The following RNF182 variants were observed in gnomAD, a reference collection of about 807,000 sequenced individuals.
The protein encoded by RNF182 is E3 ubiquitin-protein ligase RNF182.
RNF182 carries 15 observed loss-of-function variants against 14.4 expected under a neutral mutation model. That is an observed-to-expected ratio of 1.04 (90% CI 0.70 to 1.60). The LOEUF (loss-of-function observed/expected upper bound fraction) is 1.60. Ranked by LOEUF, RNF182 falls within the 40% of genes most tolerant of loss-of-function variation. The probability of loss-of-function intolerance (pLI) is 0.00; values close to 1 mark genes in which losing one functional copy is unlikely to be tolerated. For synonymous variants in RNF182, 128 were observed against 122.9 expected (o/e 1.04, Z -0.27); for missense variants, 268 against 294.8 (o/e 0.91, Z 0.67).
At position 13,959,362 on chromosome 6, in the gene RNF182, G is replaced by A. The variant is rs950832339; in HGVS notation, c.-366-14848G>A. Among the ~76,000 whole-genome samples, 3 of 152,218 alleles carry A rather than the reference G, an allele frequency of 2.0e-5. No individual in the cohort carries two copies. The South Asian group carries it at 6.2e-4, about 31-fold the overall frequency. On this transcript the variant is annotated intron_variant, in intron 1 of 2. Coordinates refer to ENST00000488300, the MANE Select transcript of RNF182 (RefSeq NM_152737.4). ...GGGAAGGCAGAGGCCAGATTATACG[G>A]TACCTTGCTGTGTAGAGTTTGGATT...
chr6:13,959,174 A>T (rs920959559), intron 1 of RNF182, among the ~76,000 whole-genome samples: 2 of 152,224 alleles, frequency 1.3e-5, no homozygotes, highest in African/African-American at 4.8e-5. Context: ...ATTCCTTTAT[A>T]GCAACACAAA....
At chr6:13,935,720 A>C (rs925166116) in intron 1 of RNF182, among the ~76,000 whole-genome samples, 2 of 152,232 alleles carry the variant, frequency 1.3e-5, no homozygotes, top group African/African-American at 4.8e-5. Flanking sequence ...GTTACTCAGC[A>C]ATGTATCTTA....
intron 1 of RNF182, chr6:13,925,246 G>T (rs913952937): frequency 1.3e-5 from 2 of 152,002 alleles, no homozygotes; most frequent in African/African-American, 4.8e-5. Context: ...TTGAGGGGCT[G>T]TGCGGCGGAG....
rs545183670 is a variant in RNF182 at position 13,979,334 on chromosome 6, A to G, written c.*1471A>G. 104 of 167,014 alleles carry G rather than the reference A, an allele frequency of 6.2e-4. No individual in the cohort carries two copies. Among genetic ancestry groups the G allele is most frequent in the Admixed American group, 2.4e-3 (37 of 15,300 alleles). The allele number at this position is 167,014 out of a possible 1,614,324, so 10.3% of individuals were successfully genotyped here. On this transcript the variant is annotated 3_prime_UTR_variant, in exon 3 of 3. Transcript: ENST00000488300. ...CTCTAAAACCCATTACTAATGATTA[A>G]CATTAAAATATTTGTAACTCTTAGA...
At chr6:13,976,298 G>A (rs191088070) in intron 2 of RNF182, among the ~76,000 whole-genome samples, 39 of 152,160 alleles carry the variant, frequency 2.6e-4, no homozygotes, top group Admixed American at 1.6e-3. Flanking sequence ...TTCAAGACTG[G>A]TATTGAAACA....
At chr6:13,967,840 G>A (rs937018553) in intron 1 of RNF182, among the ~76,000 whole-genome samples, 11 of 152,068 alleles carry the variant, frequency 7.2e-5, no homozygotes, top group East Asian at 3.9e-4. Context: ...AATTACAGGC[G>A]TGAGCCACCA....
intron 1 of RNF182, among the ~76,000 whole-genome samples, chr6:13,945,314 T>G (rs1293335758): frequency 6.6e-6 from 1 of 152,202 alleles, no homozygotes; most frequent in East Asian, 1.9e-4. Context: ...CCTCAGATGT[T>G]GTCATCACAA....
At position 13,956,443 on chromosome 6, in the gene RNF182, GCCTCCCTAGTAGCT is replaced by G. The variant is rs1163030508; in HGVS notation, c.-366-17766_-366-17753del. 2.6e-4 allele frequency among the ~76,000 whole-genome samples: 40 copies of G among 151,814 alleles called. No homozygotes were observed. In the South Asian group the frequency reaches 7.9e-3, roughly 30 times the overall value. On this transcript the variant is annotated intron_variant, in intron 1 of 2. Transcript: ENST00000488300. ...AGATTCAATTGATTCTCCTGCCTCAGCCTCCCTAGTAGCTGGGATTACAGATGCATGCCACCACA... is the reference window on the plus strand; with the variant it reads ...AGATTCAATTGATTCTCCTGCCTCAGGGGATTACAGATGCATGCCACCACA...
chr6:13,948,634 A>T (rs1759497384), intron 1 of RNF182, among the ~76,000 whole-genome samples: 1 of 152,210 alleles, frequency 6.6e-6, no homozygotes, highest in Non-Finnish European at 1.5e-5. Flanking sequence ...GGAAAGACTT[A>T]TTAAGTCTTT....
At chr6:13,960,883 A>G (rs1759863906) in intron 1 of RNF182, among the ~76,000 whole-genome samples, 1 of 152,180 alleles carries the variant, frequency 6.6e-6, no homozygotes, top group Non-Finnish European at 1.5e-5. Context: ...TTATGAAGGA[A>G]GAAATTAATA....
chr6:13,951,022 C>G (rs537585337), intron 1 of RNF182, among the ~76,000 whole-genome samples: 10 of 152,196 alleles, frequency 6.6e-5, no homozygotes, highest in Non-Finnish European at 8.8e-5. Context: ...GTCTTGAACA[C>G]CTGGCCTCAG....
rs140196044 is a variant in RNF182, at chr6:13,943,916, T to G, written c.-367+18893T>G. On this transcript the variant is annotated intron_variant, in intron 1 of 2. Transcript: ENST00000488300. Reference sequence around the variant, plus strand: ...TAGTTAGGCAGTGTGGGTTTGTTAATTGGTGTTTATCTGGAGGAGAAACAA... The same window carrying G: ...TAGTTAGGCAGTGTGGGTTTGTTAAGTGGTGTTTATCTGGAGGAGAAACAA... Among the ~76,000 whole-genome samples, 373 of 152,292 alleles carry G rather than the reference T, an allele frequency of 2.4e-3. 1 individual carries two copies. Among genetic ancestry groups the G allele is most frequent in the African/African-American group, 8.4e-3 (348 of 41,556 alleles).
At chr6:13,931,379 CA>C (rs1168434663) in intron 1 of RNF182, among the ~76,000 whole-genome samples, 1 of 152,140 alleles carries the variant, frequency 6.6e-6, no homozygotes, top group Non-Finnish European at 1.5e-5. Flanking sequence ...AGGGTCAGAG[CA>C]ACATGCTTTT....
Position 13,977,948 on chromosome 6 carries a change from T to C in RNF182, c.*85T>C. The C allele has an allele frequency of 7.3e-7, 1 of 1,367,210 alleles. No homozygotes were observed. The highest frequency in any genetic ancestry group is 9.9e-7 in the Non-Finnish European group (1 of 1,006,806). 84.7% of individuals were successfully genotyped at this position (1,367,210 alleles called of 1,614,324 possible). A position where few individuals can be genotyped will look rare whatever the true frequency, so the allele number is the denominator to read the frequency against. ...ATTTATAATTTATTTTCTTTTATGT[T>C]CTTTATGATTAGTATCCATGACATT... On this transcript the variant is annotated 3_prime_UTR_variant, in exon 3 of 3. Transcript: ENST00000488300.
chr6:13,927,970 C>T (rs1320886202), intron 1 of RNF182, among the ~76,000 whole-genome samples: 4 of 152,264 alleles, frequency 2.6e-5, no homozygotes, highest in Non-Finnish European at 5.9e-5. Context: ...ACCTGCTGTG[C>T]ACAGTGGGTA....
At chr6:13,973,964 C>T (rs1055538721) in intron 1 of RNF182, among the ~76,000 whole-genome samples, 4 of 152,046 alleles carry the variant, frequency 2.6e-5, no homozygotes, top group African/African-American at 4.8e-5. Context: ...GATTGTTGTC[C>T]ACAGCTTTTG....
intron 1 of RNF182, among the ~76,000 whole-genome samples, chr6:13,941,937 A>C (rs1286970441): frequency 6.6e-6 from 1 of 152,100 alleles, no homozygotes; most frequent in Non-Finnish European, 1.5e-5. Flanking sequence ...ATTTATTTTC[A>C]TTCCTTCATG....
chr6:13,943,069 T>G (rs932654764), intron 1 of RNF182, among the ~76,000 whole-genome samples: 2 of 152,210 alleles, frequency 1.3e-5, no homozygotes, highest in African/African-American at 4.8e-5. Flanking sequence ...ACAGCCCTGA[T>G]AGAGCTATAG....
intron 1 of RNF182, among the ~76,000 whole-genome samples, chr6:13,965,835 A>G (rs1359788775): frequency 6.6e-6 from 1 of 152,246 alleles, no homozygotes; most frequent in African/African-American, 2.4e-5. Flanking sequence ...TCTCTGACAG[A>G]CTAAAACCGA....
Sources: allele counts gnomAD v4.1 joint callset (sites outside exome capture counted in the v4.1 genomes callset), GRCh38; gene constraint gnomAD v4.1.1; transcripts MANE v1.5; gene names NCBI Gene and HGNC (gene_info 2026-07-23, HGNC 2026-07-21).